DNAH6: variants seen among roughly 807,000 people sequenced by gnomAD.
DNAH6 encodes the protein dynein axonemal heavy chain 6.
Under a neutral mutation model 491.4 loss-of-function variants are expected in DNAH6, and 340 were observed. The ratio of observed to expected loss-of-function variants is 0.69; its 90% CI spans 0.63 to 0.76. The LOEUF (loss-of-function observed/expected upper bound fraction) is 0.76. Ranked by LOEUF, DNAH6 falls within the 30% of genes least tolerant of loss-of-function variation. The probability of loss-of-function intolerance (pLI) is 0.00; values close to 1 mark genes in which losing one functional copy is unlikely to be tolerated. For synonymous variants in DNAH6, 1,603 were observed against 1,686.1 expected, an observed-to-expected ratio of 0.95 and a Z score of 1.21; for missense variants, 4,443 against 4,972.2, an observed-to-expected ratio of 0.89 and a Z score of 3.20.
rs562714755 is a variant in DNAH6 at position 84,745,376 on chromosome 2, G to A, written c.10512+127G>A. The stretch of plus-strand genomic sequence containing the variant: ...AGTTTGGGAGATGACTCAAAAAAAT[G>A]AAACATGGGCCGAGCGCCGTGGCTC... On this transcript the variant is annotated intron_variant, in intron 63 of 76. Transcript: ENST00000389394. 7 of 733,298 alleles carry A rather than the reference G, an allele frequency of 9.5e-6. No homozygotes were observed. The Admixed American group carries it at 2.6e-4, about 28-fold the overall frequency. The allele number at this position is 733,298 out of a possible 1,614,324, so 45.4% of individuals were successfully genotyped here. A position where few individuals can be genotyped will look rare whatever the true frequency, so the allele number is the denominator to read the frequency against.
At chr2:84,778,314 T>G (rs1676353890) in intron 64 of DNAH6, 2 of 496,102 alleles carry the variant, frequency 4.0e-6, no homozygotes, top group Admixed American at 2.8e-5. Context: ...TGGCAGTGGC[T>G]CCAGCGCCTG....
intron 62 of DNAH6, among the ~76,000 whole-genome samples, chr2:84,744,655 T>G (rs1171579076): frequency 6.6e-6 from 1 of 152,224 alleles, no homozygotes; most frequent in Non-Finnish European, 1.5e-5. Context: ...TGCTATTTTC[T>G]GGCTCACCTG....
chr2:84,648,006 C>T (rs949978921), intron 33 of DNAH6, among the ~76,000 whole-genome samples: 2 of 152,158 alleles, frequency 1.3e-5, no homozygotes, highest in Non-Finnish European at 2.9e-5. Context: ...TTGGATGATT[C>T]TAATGTTAGT....
Position 84,544,339 on chromosome 2 carries a change from T to C in DNAH6, c.769T>C (p.Trp257Arg), listed in dbSNP as rs1428011901. The C allele has an allele frequency of 1.3e-6, 2 of 1,544,710 alleles. No individual in the cohort carries two copies. Among genetic ancestry groups the C allele is most frequent in the East Asian group, 2.5e-5 (1 of 40,762 alleles). Residue 257 changes from tryptophan (W) to arginine (R), a missense_variant, in exon 5 of 77, where the codon TGG (tryptophan) becomes CGG (arginine). Physicochemically the swap from Trp to Arg is moderately radical, Grantham distance 101. Around this residue, in one of 3 missense-constraint regions of DNAH6, gnomAD observed 2,977 missense variants for 3,296.6 expected, o/e 0.90. Coordinates refer to ENST00000389394, the MANE Select transcript of DNAH6 (RefSeq NM_001370.2). ...CATTGAATTTATCGAAATTGATCGA[T>C]GGGAACAGGAATATCTGTATCACAG... ...EDIEFIEIDR[W>R]EQEYLYHREL...
At chr2:84,801,926 G>A (rs1678963157) in intron 70 of DNAH6, among the ~76,000 whole-genome samples, 1 of 151,294 alleles carries the variant, frequency 6.6e-6, no homozygotes, top group South Asian at 2.1e-4. Context: ...GAAGGGAAGG[G>A]ATTCCAGCAA....
intron 59 of DNAH6, among the ~76,000 whole-genome samples, chr2:84,721,529 C>G (rs1698158586): frequency 1.3e-5 from 2 of 152,140 alleles, no homozygotes; most frequent in Admixed American, 6.5e-5. Context: ...ATATGGCTAG[C>G]CTGAATTAAG....
chr2:84,486,391 C>T, the DNAH6 span, among the ~76,000 whole-genome samples: 2 of 152,168 alleles, frequency 1.3e-5, no homozygotes, highest in Non-Finnish European at 2.9e-5. Context: ...CTTGAGGTTC[C>T]GCCTCCTCCA....
At chr2:84,493,005 T>C in the DNAH6 span, among the ~76,000 whole-genome samples, 2 of 152,106 alleles carry the variant, frequency 1.3e-5, no homozygotes, top group Non-Finnish European at 2.9e-5. Flanking sequence ...CTGTATATTC[T>C]ATATATTTTT....
rs1246548393 is a variant in DNAH6, at chr2:84,781,650, C to T, written c.10861C>T (p.Pro3621Ser). The change falls in exon 65 of 77, where the codon CCA becomes TCA. Residue 3621 changes from proline (P) to serine (S), a missense_variant. Physicochemically the swap from Pro to Ser is moderately conservative, Grantham distance 74 (BLOSUM62 -1). This residue lies in a region of DNAH6 where 1,463 missense variants were observed against 1,656.6 expected (regional missense o/e 0.88). Transcript: ENST00000389394. ...AGAGCTCATTAAAACCTTCACAGAT[C>T]CAGGTATGTTGAGCATATAGCCCTT... is the stretch of plus-strand genomic sequence containing the variant. The part of the protein sequence containing the change: ...MEELIKTFTD[P>S]DSAIKDTFRL... 6.4e-7 allele frequency: 1 copy of T among 1,551,292 alleles called. No individual in the cohort carries two copies. Among genetic ancestry groups the T allele is most frequent in the South Asian group, 1.2e-5 (1 of 83,970 alleles).
chr2:84,571,757 CAAAA>C (rs34657775), intron 11 of DNAH6, among the ~76,000 whole-genome samples: 1 of 104,020 alleles, frequency 9.6e-6, no homozygotes, highest in Admixed American at 1.0e-4. Flanking sequence ...ACTAAAATTA[CAAAA>C]AAAAAAAAAA....
intron 59 of DNAH6, among the ~76,000 whole-genome samples, chr2:84,719,095 C>G (rs1231765628): frequency 4.6e-5 from 7 of 152,194 alleles, no homozygotes; most frequent in Admixed American, 4.6e-4. Flanking sequence ...ATCCCCTTGA[C>G]TTTATTAAAC....
chr2:84,715,534 T>G (rs747105722), intron 57 of DNAH6, 26 bp from the exon 58 acceptor site: 30 of 1,549,696 alleles, frequency 1.9e-5, no homozygotes, highest in African/African-American at 5.5e-5. Context: ...TTAAGCATTT[T>G]TATGCACTCT....
intron 45 of DNAH6, among the ~76,000 whole-genome samples, chr2:84,690,840 C>T (rs570915419): frequency 6.6e-6 from 1 of 152,348 alleles, no homozygotes; most frequent in African/African-American, 2.4e-5. Flanking sequence ...GGATTAATTA[C>T]TAAATACTCA....
At chr2:84,716,225 A>G (rs1425615644) in intron 58 of DNAH6, among the ~76,000 whole-genome samples, 1 of 150,702 alleles carries the variant, frequency 6.6e-6, no homozygotes, top group Admixed American at 6.6e-5. Context: ...CTATTTCCCA[A>G]ATATTGCATT....
intron 72 of DNAH6, among the ~76,000 whole-genome samples, chr2:84,810,879 T>C (rs1365264726): frequency 6.6e-6 from 1 of 152,228 alleles, no homozygotes; most frequent in African/African-American, 2.4e-5. Context: ...TTTGGGAGAA[T>C]CGACTGCAAC....
intron 56 of DNAH6, among the ~76,000 whole-genome samples, chr2:84,712,524 G>T (rs1025417547): frequency 6.6e-6 from 1 of 152,242 alleles, no homozygotes; most frequent in Non-Finnish European, 1.5e-5. Context: ...GACTTTTTCT[G>T]TAGAGAGCCA....
chr2:84,796,470 A>T, intron 69 of DNAH6, 45 bp downstream of exon 69: 3 of 1,447,160 alleles, frequency 2.1e-6, no homozygotes, highest in Non-Finnish European at 1.8e-6. Context: ...TCCCAAGAAG[A>T]TGTTGACAGC....
In DNAH6 at chr2:84,659,134, A is replaced by G. The variant is rs1349136027; in HGVS notation, c.6049A>G (p.Ile2017Val). The change falls in exon 37 of 77, where the codon ATT becomes GTT. Residue 2017 changes from isoleucine to valine, a missense_variant. Around this residue, in one of 3 missense-constraint regions of DNAH6, gnomAD observed 2,977 missense variants for 3,296.6 expected, o/e 0.90. Transcript: ENST00000389394. Reference protein sequence around the residue: ...ENYYDSFDTFIRTQFDDNPDA... With the variant: ...ENYYDSFDTFVRTQFDDNPDA... ...CTACTATGATTCTTTTGATACATTT[A>G]TTAGAACACAATTTGATGATAATCC... The G allele has an allele frequency of 2.0e-6, 3 of 1,505,408 alleles. No homozygotes were observed. Among genetic ancestry groups the G allele is most frequent in the African/African-American group, 2.8e-5 (2 of 71,970 alleles). The allele number at this position is 1,505,408 out of a possible 1,614,324, so 93.3% of individuals were successfully genotyped here.
chr2:84,562,312 GGAACCAA>G (rs754321542), intron 11 of DNAH6, among the ~76,000 whole-genome samples: 6 of 151,928 alleles, frequency 3.9e-5, no homozygotes, highest in Non-Finnish European at 5.9e-5. Flanking sequence ...TGACCAAGCT[GGAACCAA>G]ATATATCAGT....
Sources: allele counts gnomAD v4.1 joint callset (sites outside exome capture counted in the v4.1 genomes callset), GRCh38; gene constraint gnomAD v4.1.1; regional missense constraint gnomAD v4.1.1; transcripts MANE v1.5; gene names NCBI Gene and HGNC (gene_info 2026-07-23, HGNC 2026-07-21).